SLC12A9: variants seen among roughly 807,000 people sequenced by gnomAD.
SLC12A9 encodes the protein CCC-interacting protein 1.
Under a neutral mutation model 66.0 loss-of-function variants are expected in SLC12A9, and 55 were observed. That is an observed-to-expected ratio of 0.83 (90% CI 0.67 to 1.04). SLC12A9 has a LOEUF of 1.04. SLC12A9 is among the 50% of genes least tolerant of loss of function. The probability of loss-of-function intolerance (pLI) is 0.00; values close to 1 mark genes in which losing one functional copy is unlikely to be tolerated. For missense variants in SLC12A9, 1,061 were observed against 1,241.9 expected (o/e 0.85, Z 2.19); for synonymous variants, 577 against 569.0 (o/e 1.01, Z -0.20).
At chr7:100,849,277 C>T (rs1171038848), upstream of SLC12A9, among the ~76,000 whole-genome samples, 1 of 151,838 alleles carries the variant, frequency 6.6e-6, no homozygotes, top group Non-Finnish European at 1.5e-5. Context: ...TGGGGTCTTG[C>T]TCTGTCAACC....
At chr7:100,832,999 CTCT>C (rs1813571999) in intron 1 of SLC12A9, among the ~76,000 whole-genome samples, 3 of 152,116 alleles carry the variant, frequency 2.0e-5, no homozygotes, top group Non-Finnish European at 4.4e-5. Flanking sequence ...TGGTCTTGAA[CTCT>C]TGAGCTCAAG....
At chr7:100,844,588 T>C (rs1041866247) in intron 1 of SLC12A9, among the ~76,000 whole-genome samples, 2 of 151,996 alleles carry the variant, frequency 1.3e-5, no homozygotes, top group Non-Finnish European at 2.9e-5. Flanking sequence ...TAAATACTGG[T>C]CTTGTGTCAT....
At position 100,861,150 on chromosome 7, in the gene SLC12A9, G is replaced by T; in HGVS notation, c.1231G>T (p.Ala411Ser). 6.2e-7 allele frequency: 1 copy of T among 1,614,208 alleles called. No individual in the cohort carries two copies. The highest frequency in any genetic ancestry group is 8.5e-7 in the Non-Finnish European group (1 of 1,180,038). Residue 411 changes from alanine to serine, a missense_variant, in exon 10 of 14, where the codon GCT becomes TCT. Coordinates refer to ENST00000354161, the MANE Select transcript of SLC12A9 (RefSeq NM_020246.4). The surrounding 1 kb of genome is among the most constrained non-coding windows in gnomAD (Gnocchi z 5.3). ...GGCCCTTGCCCAGCTGGTGCTCCTG[G>T]CTGGGAAGCTGAACACACTGGCTGC... is the stretch of plus-strand genomic sequence containing the variant. ...SWGLVQLVLLAGKLNTLAAVV... is the reference protein window; with the variant it reads ...SWGLVQLVLLSGKLNTLAAVV...
chr7:100,827,231 G>T (rs937528162), intron 1 of SLC12A9: 1 of 227,988 alleles, frequency 4.4e-6, no homozygotes, highest in Non-Finnish European at 7.9e-6. Context: ...GCGCGCGGGC[G>T]GCGGGCCCGG....
intron 9 of SLC12A9, 26 bp downstream of exon 9, chr7:100,860,258 T>G: frequency 1.2e-6 from 2 of 1,601,678 alleles, no homozygotes; most frequent in Non-Finnish European, 1.7e-6. Flanking sequence ...CAAGGGGCCC[T>G]TTCCCTCACC....
intron 13 of SLC12A9, 108 bp from the exon 14 acceptor site, chr7:100,865,611 T>G (rs898598864): frequency 1.5e-5 from 24 of 1,560,192 alleles, no homozygotes; most frequent in Non-Finnish European, 2.0e-5. Context: ...AGTGGGAATG[T>G]CATACCTATG....
chr7:100,858,761 G>C, intron 5 of SLC12A9, 74 bp from the exon 6 acceptor site: 1 of 1,415,016 alleles, frequency 7.1e-7, no homozygotes, highest in Non-Finnish European at 9.9e-7. Context: ...GGAATGTGTG[G>C]AGAGGGTGGC....
chr7:100,841,542 C>T (rs1813791350), intron 1 of SLC12A9, among the ~76,000 whole-genome samples: 1 of 152,098 alleles, frequency 6.6e-6, no homozygotes, highest in Admixed American at 6.6e-5. Context: ...GTGAACTGGA[C>T]ATTAAAGTAA....
rs1269469813 is a variant in SLC12A9, at chr7:100,866,636, GC to G, written c.*34del. The G allele has an allele frequency of 2.7e-6, 4 of 1,488,154 alleles. No homozygotes were observed. The African/African-American group carries it at 5.6e-5, about 21-fold the overall frequency. The allele number at this position is 1,488,154 out of a possible 1,614,324, so 92.2% of individuals were successfully genotyped here. A position where few individuals can be genotyped will look rare whatever the true frequency, so the allele number is the denominator to read the frequency against. On this transcript the variant is annotated 3_prime_UTR_variant, in exon 14 of 14. Coordinates refer to ENST00000354161, the MANE Select transcript of SLC12A9 (RefSeq NM_020246.4). The surrounding 1 kb of genome is among the most constrained non-coding windows in gnomAD (Gnocchi z 7.3). ...CTGCCTCCAGGGCTAGGTAGAGAGG[GC>G]CCAGGCAGGCGGCCTATCCTGATCC...
rs750611324 is a variant in SLC12A9, at chr7:100,854,609, T to C, written c.182-11T>C. The C allele has an allele frequency of 4.3e-6, 7 of 1,613,958 alleles. No homozygotes were observed. In the South Asian group the frequency reaches 6.6e-5, roughly 15 times the overall value. ...AGTCCCCTGTGACCTGATTTGCTGC[T>C]CCTGCCTCAGGGTTCGTGGTGGGTC... On this transcript the variant is annotated splice_polypyrimidine_tract_variant and intron_variant, in intron 2 of 13. Coordinates refer to ENST00000354161, the MANE Select transcript of SLC12A9 (RefSeq NM_020246.4).
At chr7:100,855,524 A>G (rs1403913842) in intron 3 of SLC12A9, 182 bp from the exon 4 acceptor site, 2 of 716,420 alleles carry the variant, frequency 2.8e-6, no homozygotes, top group Non-Finnish European at 4.7e-6. Flanking sequence ...CAACAATCTC[A>G]TCTGTTAGGC....
chr7:100,862,129 G>A (rs192392969), intron 12 of SLC12A9, among the ~76,000 whole-genome samples: 2 of 151,930 alleles, frequency 1.3e-5, no homozygotes, highest in Non-Finnish European at 2.9e-5. Flanking sequence ...GCTAGTTTTT[G>A]TATTTTTAGT....
At chr7:100,856,682 T>C (rs1814407260) in intron 4 of SLC12A9, 186 bp from the exon 5 acceptor site, 3 of 594,218 alleles carry the variant, frequency 5.0e-6, no homozygotes, top group African/African-American at 3.7e-5. Context: ...CTGGCTAATT[T>C]TGCAGTTTTT....
intron 7 of SLC12A9, 128 bp downstream of exon 7, chr7:100,859,289 G>C (rs532886857): frequency 1.2e-6 from 1 of 847,070 alleles, no homozygotes; most frequent in Non-Finnish European, 1.9e-6. Flanking sequence ...GGCTACCGGC[G>C]ATTGACAACC....
chr7:100,832,907 C>A (rs976941668), intron 1 of SLC12A9, among the ~76,000 whole-genome samples: 1 of 151,990 alleles, frequency 6.6e-6, no homozygotes, highest in Non-Finnish European at 1.5e-5. Flanking sequence ...TCCCAAGTAG[C>A]TGAGACTACA....
At chr7:100,829,550 CCG>C (rs1395139057) in intron 1 of SLC12A9, among the ~76,000 whole-genome samples, 1 of 152,102 alleles carries the variant, frequency 6.6e-6, no homozygotes, top group Non-Finnish European at 1.5e-5. Flanking sequence ...CAGGAAACAG[CCG>C]GCTTCACTGG....
chr7:100,836,095 T>A (rs899131387), intron 1 of SLC12A9, among the ~76,000 whole-genome samples: 4 of 152,194 alleles, frequency 2.6e-5, no homozygotes, highest in African/African-American at 9.6e-5. Context: ...AGCCCCCCCA[T>A]GCCAGCAGCA....
chr7:100,862,960 T>C, intron 13 of SLC12A9, 133 bp downstream of exon 13: 1 of 1,086,286 alleles, frequency 9.2e-7, no homozygotes, highest in Non-Finnish European at 1.3e-6. Flanking sequence ...GATAAGACAG[T>C]GCTCAAAGAT....
chr7:100,861,486 G>A lies in SLC12A9; in HGVS notation c.1438G>A (p.Gly480Ser), dbSNP rs1814749331. Reference sequence around the variant, plus strand: ...CCTCATCAGTCCTGGCGCGGCTGGTGGCTCCCTGCTCCTCATGGGTCTGCT... The same window carrying A: ...CCTCATCAGTCCTGGCGCGGCTGGTAGCTCCCTGCTCCTCATGGGTCTGCT... ...MFLISPGAAG[G>S]SLLLMGLLAA... The change falls in exon 11 of 14, where the codon GGC (glycine) becomes AGC (serine). Residue 480 changes from glycine (G) to serine (S), a missense_variant. Gly to Ser is a moderately conservative substitution (Grantham distance 56). Coordinates refer to ENST00000354161, the MANE Select transcript of SLC12A9 (RefSeq NM_020246.4). This position sits in a 1 kb window ranked among gnomAD's most constrained non-coding sequence, Gnocchi z 5.3. The A allele has an allele frequency of 6.2e-7, 1 of 1,613,836 alleles. No individual in the cohort carries two copies. Among genetic ancestry groups the A allele is most frequent in the East Asian group, 2.2e-5 (1 of 44,870 alleles).
Sources: gnomAD v4.1 joint callset for allele counts (sites outside exome capture counted in the v4.1 genomes callset) on GRCh38, gnomAD v4.1.1 for gene constraint, Gnocchi (gnomAD v3.1) non-coding constraint, MANE v1.5 for transcripts, NCBI Gene and HGNC (gene_info 2026-07-23, HGNC 2026-07-21) for gene names.